Variants in DMD observed in about 807,000 individuals in gnomAD.
DMD encodes the protein mutant dystrophin.
A neutral mutation model predicts 330.1 loss-of-function variants in DMD; 63 were observed. That is an observed-to-expected ratio of 0.19 (90% CI 0.16 to 0.24). DMD has a LOEUF of 0.24. Ranked by LOEUF, DMD falls within the 10% of genes least tolerant of loss-of-function variation. The pLI is 1.00. For missense variants in DMD, 3,344 were observed against 2,684.1 expected (o/e 1.25, Z -5.43); for synonymous variants, 1,223 against 959.8 (o/e 1.27, Z -5.07).
chrX:31,651,415 G>A (rs1350823791), intron 54 of DMD, among the ~76,000 whole-genome samples: 4 of 111,283 alleles, frequency 3.6e-5, no homozygotes, highest in Non-Finnish European at 7.6e-5. Flanking sequence ...AGACAATTAA[G>A]AATGGAACAT....
intron 41 of DMD, among the ~76,000 whole-genome samples, chrX:32,336,017 G>A (rs1444435692): frequency 4.3e-5 from 4 of 92,865 alleles, no homozygotes; most frequent in African/African-American, 1.7e-4. Flanking sequence ...TATATATAAC[G>A]TGTATATATA....
chrX:31,899,237 A>T (rs775275306), intron 47 of DMD, among the ~76,000 whole-genome samples: 5 of 111,336 alleles, frequency 4.5e-5, no homozygotes, highest in Non-Finnish European at 9.4e-5. Context: ...AAGAAAATGC[A>T]TTTCTAAATT....
intron 63 of DMD, among the ~76,000 whole-genome samples, chrX:31,228,267 T>TAAAAAAAAAAAAAA (rs1367757647): frequency 7.6e-5 from 3 of 39,536 alleles, no homozygotes; most frequent in Non-Finnish European, 8.3e-5. Context: ...AAAAAAAAAA[T>TAAAAAAAAAAAAAA]AAAAAAATAA....
intron 44 of DMD, among the ~76,000 whole-genome samples, chrX:32,181,962 A>G (rs186501776): frequency 3.6e-5 from 4 of 112,212 alleles, no homozygotes; most frequent in African/African-American, 1.3e-4. Context: ...TGGAAATTTA[A>G]ATTGGGAATT....
intron 44 of DMD, among the ~76,000 whole-genome samples, chrX:31,978,656 C>A (rs1232237074): frequency 8.9e-6 from 1 of 111,830 alleles, no homozygotes; most frequent in African/African-American, 3.2e-5. Flanking sequence ...TCCAATTCTT[C>A]ATCCATGCTT....
chrX:32,467,710 CT>C (rs1216948271), intron 23 of DMD, among the ~76,000 whole-genome samples: 1 of 105,733 alleles, frequency 9.5e-6, no homozygotes, highest in South Asian at 4.1e-4. Flanking sequence ...TATATGGAAG[CT>C]AAAAATGCCA....
intron 2 of DMD, among the ~76,000 whole-genome samples, chrX:32,917,993 A>G (rs770391715): frequency 1.5e-4 from 17 of 110,496 alleles, no homozygotes; most frequent in African/African-American, 3.9e-4. Flanking sequence ...AAAAAAAAAA[A>G]AAAGAAAGAA....
chrX:32,735,605 A>G (rs913393904), intron 7 of DMD, among the ~76,000 whole-genome samples: 2 of 110,949 alleles, frequency 1.8e-5, no homozygotes, highest in Non-Finnish European at 3.8e-5. Context: ...CCTCAGAAAT[A>G]ACGCCGCATA....
chrX:31,716,259 CAT>C (rs1157083720), intron 52 of DMD, among the ~76,000 whole-genome samples: 7 of 112,467 alleles, frequency 6.2e-5, no homozygotes, highest in African/African-American at 1.9e-4. Context: ...TTTTTAAAAA[CAT>C]GTGTTAGCGG....
chrX:32,398,555 C>T lies in DMD; in HGVS notation c.4234-8374G>A, dbSNP rs763786109. ...AGAGAAGTAAAGCATATAAATTTTT[C>T]TGCGTAATCTTGACCACAGAACCGT... is the stretch of plus-strand genomic sequence containing the variant. On this transcript the variant is annotated intron_variant, in intron 30 of 78. Coordinates refer to ENST00000357033, the MANE Select transcript of DMD (RefSeq NM_004006.3). Among the ~76,000 whole-genome samples, 20 of 110,995 alleles carry T rather than the reference C, an allele frequency of 1.8e-4. No individual in the cohort carries two copies. In the East Asian group the frequency reaches 3.1e-3, roughly 17 times the overall value.
chrX:31,182,304 A>G (rs1225722682), intron 68 of DMD, among the ~76,000 whole-genome samples: 1 of 112,380 alleles, frequency 8.9e-6, no homozygotes, highest in Non-Finnish European at 1.9e-5. Flanking sequence ...AGACTGAGCT[A>G]CTATTATGGT....
rs189395239 is a variant in DMD, at chrX:31,181,004, C to T, written c.9975-523G>A. Reference sequence around the variant, plus strand: ...AATAATGTTTTCTAATTGACTGATACGATTCATCTTCAAACAGTTACTCGA... The same window carrying T: ...AATAATGTTTTCTAATTGACTGATATGATTCATCTTCAAACAGTTACTCGA... On this transcript the variant is annotated intron_variant, in intron 68 of 78. Coordinates refer to ENST00000357033, the MANE Select transcript of DMD (RefSeq NM_004006.3). Among the ~76,000 whole-genome samples the T allele has an allele frequency of 1.1e-3, 118 of 112,111 alleles. 1 individual carries two copies. Among genetic ancestry groups the T allele is most frequent in the African/African-American group, 3.3e-3 (101 of 30,894 alleles).
chrX:31,808,547 TC>T (rs2092360885), intron 50 of DMD, among the ~76,000 whole-genome samples: 1 of 111,996 alleles, frequency 8.9e-6, no homozygotes, highest in Non-Finnish European at 1.9e-5. Flanking sequence ...GTGAGTGACC[TC>T]CAGAGATTCC....
At chrX:32,409,832 A>T (rs1343045717) in intron 30 of DMD, among the ~76,000 whole-genome samples, 3 of 111,450 alleles carry the variant, frequency 2.7e-5, no homozygotes, top group Non-Finnish European at 5.7e-5. Flanking sequence ...ATTTATAGTC[A>T]TGTAGTTCTT....
intron 2 of DMD, among the ~76,000 whole-genome samples, chrX:32,894,434 A>G (rs2085511045): frequency 8.9e-6 from 1 of 112,827 alleles, no homozygotes; most frequent in Admixed American, 9.3e-5. Flanking sequence ...GCCTCGCAGC[A>G]CAGTGGTAGT....
rs1161396667 is a variant in DMD at position 32,969,400 on chromosome X, A to C, written c.93+50739T>G. Among the ~76,000 whole-genome samples, 4 of 93,120 alleles carry C rather than the reference A, an allele frequency of 4.3e-5. 2 individuals carry two copies. The highest frequency in any genetic ancestry group is 2.0e-4 in the African/African-American group (4 of 20,395). The allele number at this position is 93,120 out of a possible 115,157, so 80.9% of individuals were successfully genotyped here. ...TATATGCATGTATACATACATATAC[A>C]TAAAACATGTATGTACCACATACAT... is the stretch of plus-strand genomic sequence containing the variant. On this transcript the variant is annotated intron_variant, in intron 2 of 78. Transcript: ENST00000357033.
chrX:31,705,522 C>A (rs926635074), intron 52 of DMD, among the ~76,000 whole-genome samples: 2 of 112,933 alleles, frequency 1.8e-5, no homozygotes, highest in African/African-American at 6.4e-5. Flanking sequence ...ACACCTAGGT[C>A]ACTGTGCTTC....
chrX:32,070,256 G>A (rs1438085275), intron 44 of DMD, among the ~76,000 whole-genome samples: 2 of 111,131 alleles, frequency 1.8e-5, no homozygotes, highest in East Asian at 5.7e-4. Context: ...GCTACAAAGA[G>A]GTATCAACAC....
At chrX:32,366,019 C>G (rs1233268775) in intron 34 of DMD, among the ~76,000 whole-genome samples, 1 of 111,826 alleles carries the variant, frequency 8.9e-6, no homozygotes, top group Non-Finnish European at 1.9e-5. Context: ...AAAGTTTTCC[C>G]CCAATCCAAG....
Sources: allele counts gnomAD v4.1 joint callset (sites outside exome capture counted in the v4.1 genomes callset), GRCh38; gene constraint gnomAD v4.1.1; transcripts MANE v1.5; gene names NCBI Gene and HGNC (gene_info 2026-07-23, HGNC 2026-07-21).